RSRC1: variants seen among roughly 807,000 people sequenced by gnomAD.
The protein encoded by RSRC1 is serine/Arginine-related protein 53.
RSRC1 carries 39 observed loss-of-function variants against 49.1 expected under a neutral mutation model. The ratio of observed to expected loss-of-function variants is 0.79; its 90% confidence interval spans 0.61 to 1.04. The LOEUF (loss-of-function observed/expected upper bound fraction) is 1.04, where lower values mean the gene tolerates loss of function less well. Ranked by LOEUF, RSRC1 falls within the 50% of genes least tolerant of loss-of-function variation. The pLI, the probability that RSRC1 is intolerant of heterozygous loss-of-function variation, is 0.00. For missense variants in RSRC1, 388 were observed against 402.4 expected (o/e 0.96, Z 0.31); for synonymous variants, 143 against 130.8 (o/e 1.09, Z -0.63).
At chr3:158,282,636 G>A (rs1032918157) in intron 4 of RSRC1, among the ~76,000 whole-genome samples, 10 of 152,190 alleles carry the variant, frequency 6.6e-5, no homozygotes, top group African/African-American at 1.9e-4. Context: ...AGGAAGGACT[G>A]TAAGTTTAGA....
intron 3 of RSRC1, among the ~76,000 whole-genome samples, chr3:158,157,934 A>G (rs917043915): frequency 6.6e-6 from 1 of 152,038 alleles, no homozygotes; most frequent in African/African-American, 2.4e-5. Context: ...AGAGCAAGTG[A>G]CAGTCCCTTT....
chr3:158,215,924 G>A (rs543994050), intron 4 of RSRC1, among the ~76,000 whole-genome samples: 4 of 151,720 alleles, frequency 2.6e-5, no homozygotes, highest in Non-Finnish European at 5.9e-5. Context: ...TTTTGCAAAT[G>A]CTTACCATTT....
chr3:158,486,480 G>A (rs573816999), intron 7 of RSRC1, among the ~76,000 whole-genome samples: 2 of 152,254 alleles, frequency 1.3e-5, no homozygotes, highest in South Asian at 2.1e-4. Flanking sequence ...TATGTCATGT[G>A]CATAAACATG....
In RSRC1 at chr3:158,397,711, C is replaced by T. The variant is rs145603696; in HGVS notation, c.583+42803C>T. On this transcript the variant is annotated intron_variant, in intron 6 of 9. Coordinates refer to ENST00000611884, the MANE Select transcript of RSRC1 (RefSeq NM_001271838.2). ...AGTCACACAAGTTTTCTTTCAAGCC[C>T]TCAAATTCAATAAGCTTTTTTCTGC... Among the ~76,000 whole-genome samples, 1,195 of 152,076 alleles carry T rather than the reference C, an allele frequency of 7.9e-3. 9 individuals carry two copies. The highest frequency in any genetic ancestry group is 0.017 in the Middle Eastern group (5 of 294).
intron 6 of RSRC1, among the ~76,000 whole-genome samples, chr3:158,429,785 A>G (rs1735674632): frequency 6.6e-6 from 1 of 151,568 alleles, no homozygotes; most frequent in South Asian, 2.1e-4. Context: ...TCACAGAAAG[A>G]CGAACACTGC....
At chr3:158,356,440 A>G (rs1462295734) in intron 6 of RSRC1, among the ~76,000 whole-genome samples, 1 of 152,084 alleles carries the variant, frequency 6.6e-6, no homozygotes. Context: ...TACTAATAGA[A>G]GTAACTTACC....
intron 3 of RSRC1, among the ~76,000 whole-genome samples, chr3:158,187,926 G>A (rs1720021178): frequency 6.6e-6 from 1 of 151,820 alleles, no homozygotes; most frequent in Non-Finnish European, 1.5e-5. Flanking sequence ...TATAAATGAA[G>A]GTTCAAATAA....
At position 158,261,264 on chromosome 3, in the gene RSRC1, C is replaced by G. The variant is rs539357701; in HGVS notation, c.495-36775C>G. On this transcript the variant is annotated intron_variant, in intron 4 of 9. Coordinates refer to ENST00000611884, the MANE Select transcript of RSRC1 (RefSeq NM_001271838.2). ...TGTTCTAATTATTCCACATCCTCAGCAAAACTGTGCGTGGTCAGTCTTTTT... is the reference window on the plus strand; with the variant it reads ...TGTTCTAATTATTCCACATCCTCAGGAAAACTGTGCGTGGTCAGTCTTTTT... 1.4e-4 allele frequency among the ~76,000 whole-genome samples: 22 copies of G among 152,242 alleles called. 4 individuals are homozygous for G. The South Asian group carries it at 4.6e-3, about 32-fold the overall frequency.
chr3:158,385,523 A>T (rs1458955774), intron 6 of RSRC1, among the ~76,000 whole-genome samples: 2 of 152,166 alleles, frequency 1.3e-5, no homozygotes, highest in Non-Finnish European at 2.9e-5. Context: ...ACCTGGTTTC[A>T]TTATAAATCA....
At chr3:158,505,464 T>C (rs537376706) in intron 7 of RSRC1, among the ~76,000 whole-genome samples, 2 of 152,272 alleles carry the variant, frequency 1.3e-5, no homozygotes, top group African/African-American at 4.8e-5. Flanking sequence ...TGGGAGTACA[T>C]GTAAGAGCTC....
At chr3:158,377,287 T>G (rs2108274988) in intron 6 of RSRC1, among the ~76,000 whole-genome samples, 1 of 152,332 alleles carries the variant, frequency 6.6e-6, no homozygotes, top group African/African-American at 2.4e-5. Flanking sequence ...TTCTTCGTCT[T>G]CTTTATAATT....
rs113542570 is a variant in RSRC1 at position 158,134,381 on chromosome 3, C to T, written c.320+10390C>T. Among the ~76,000 whole-genome samples the T allele has an allele frequency of 2.9e-3, 438 of 152,188 alleles. 1 individual carries two copies. The highest frequency in any genetic ancestry group is 0.01 in the African/African-American group (425 of 41,536). The stretch of plus-strand genomic sequence containing the variant: ...TTATTTCAAAGATCATCTACCTTTA[C>T]AACATGCTTTTATAGAATAATAGTA... On this transcript the variant is annotated intron_variant, in intron 3 of 9. Coordinates refer to ENST00000611884, the MANE Select transcript of RSRC1 (RefSeq NM_001271838.2).
chr3:158,256,807 A>G (rs143338103), intron 4 of RSRC1, among the ~76,000 whole-genome samples: 1,677 of 152,170 alleles, frequency 0.011, 43 homozygotes, highest in African/African-American at 0.038. Context: ...GGGAGGGTGT[A>G]TGTGTCCAGG....
intron 5 of RSRC1, among the ~76,000 whole-genome samples, chr3:158,324,355 T>C (rs1578337179): frequency 6.6e-6 from 1 of 152,100 alleles, no homozygotes; most frequent in African/African-American, 2.4e-5. Flanking sequence ...TTACATTAGC[T>C]ATATCTCCTA....
rs1366817989 is a variant in RSRC1 at position 158,511,106 on chromosome 3, T to TG, written c.653-25984dup. Among the ~76,000 whole-genome samples, 209 of 136,106 alleles carry TG rather than the reference T, an allele frequency of 1.5e-3. 1 individual carries two copies. Among genetic ancestry groups the TG allele is most frequent in the African/African-American group, 5.2e-3 (201 of 38,474 alleles). 89.3% of individuals were successfully genotyped at this position (136,106 alleles called of 152,430 possible). A position where few individuals can be genotyped will look rare whatever the true frequency, so the allele number is the denominator to read the frequency against. Reference sequence around the variant, plus strand: ...CCTAAAGAATTGGCACCTCATTTGTTGGTTTTTTTTTTATTATACCTTAAG... The same window carrying TG: ...CCTAAAGAATTGGCACCTCATTTGTTGGGTTTTTTTTTTATTATACCTTAAG... On this transcript the variant is annotated intron_variant, in intron 7 of 9. Transcript: ENST00000611884.
At chr3:158,386,562 C>T (rs1218647311) in intron 6 of RSRC1, among the ~76,000 whole-genome samples, 1 of 151,874 alleles carries the variant, frequency 6.6e-6, no homozygotes, top group East Asian at 1.9e-4. Context: ...ATTATATGAC[C>T]AACACACTAT....
chr3:158,337,248 C>A (rs993098582), intron 5 of RSRC1, among the ~76,000 whole-genome samples: 1 of 152,224 alleles, frequency 6.6e-6, no homozygotes, highest in Non-Finnish European at 1.5e-5. Flanking sequence ...CTGAGTGGGG[C>A]TGCAGAAGTC....
intron 4 of RSRC1, among the ~76,000 whole-genome samples, chr3:158,209,972 G>T (rs966784451): frequency 6.6e-6 from 1 of 152,046 alleles, no homozygotes; most frequent in African/African-American, 2.4e-5. Context: ...ATAAATTCCT[G>T]TCAATAAGGG....
intron 5 of RSRC1, among the ~76,000 whole-genome samples, chr3:158,331,201 C>A (rs1202582433): frequency 6.6e-6 from 1 of 152,158 alleles, no homozygotes; most frequent in South Asian, 2.1e-4. Context: ...ACAGCCAAAC[C>A]ATATCAACAT....
Sources: gnomAD v4.1 joint callset for allele counts (sites outside exome capture counted in the v4.1 genomes callset) on GRCh38, gnomAD v4.1.1 for gene constraint, MANE v1.5 for transcripts, NCBI Gene and HGNC (gene_info 2026-07-23, HGNC 2026-07-21) for gene names.